C2orf76: variants seen among roughly 807,000 people sequenced by gnomAD.
C2orf76 encodes chromosome 2 open reading frame 76, also known as UPF0538 protein C2orf76.
A neutral mutation model predicts 16.9 loss-of-function variants in C2orf76; 23 were observed. That is an observed-to-expected ratio of 1.36 (90% CI 0.98 to 1.93). C2orf76 has a LOEUF of 1.93. Among genes scored for constraint, C2orf76 ranks in the 30% most tolerant of loss-of-function variants. The pLI is 0.00. For synonymous variants in C2orf76, 48 were observed against 52.3 expected, an observed-to-expected ratio of 0.92 and a Z score of 0.35; for missense variants, 152 against 152.6, an observed-to-expected ratio of 1.00 and a Z score of 0.02.
intron 2 of C2orf76, among the ~76,000 whole-genome samples, chr2:119,330,045 T>A (rs1679623011): frequency 6.6e-6 from 1 of 152,086 alleles, no homozygotes; most frequent in Non-Finnish European, 1.5e-5. Flanking sequence ...TCTGAAAACA[T>A]CTTCATGTTG....
upstream of C2orf76, chr2:119,366,856 G>T: frequency 1.4e-6 from 1 of 704,482 alleles, no homozygotes; most frequent in Non-Finnish European, 2.3e-6. Flanking sequence ...GGCTCGGGCG[G>T]GGCTAGCGCC....
chr2:119,338,003 T>C (rs753734352), intron 2 of C2orf76, among the ~76,000 whole-genome samples: 9 of 152,332 alleles, frequency 5.9e-5, no homozygotes, highest in South Asian at 2.1e-4. Flanking sequence ...GTGTCAACAT[T>C]AAGAAACACT....
At chr2:119,363,478 C>T (rs1215346322) in intron 1 of C2orf76, among the ~76,000 whole-genome samples, 1 of 151,940 alleles carries the variant, frequency 6.6e-6, no homozygotes, top group Non-Finnish European at 1.5e-5. Context: ...TGCTGAAGCC[C>T]TGCCACAGGA....
At chr2:119,323,726 G>A (rs1300503780) in intron 2 of C2orf76, among the ~76,000 whole-genome samples, 1 of 152,190 alleles carries the variant, frequency 6.6e-6, no homozygotes, top group Non-Finnish European at 1.5e-5. Context: ...AGTGAAGCAG[G>A]TCAAACAAGG....
intron 1 of C2orf76, among the ~76,000 whole-genome samples, chr2:119,361,691 A>C (rs965189317): frequency 1.3e-5 from 2 of 152,262 alleles, no homozygotes; most frequent in East Asian, 1.9e-4. Context: ...CCAATCCCCC[A>C]CAGATATTGA....
At chr2:119,297,026 C>T in the C2orf76 span, among the ~76,000 whole-genome samples, 1 of 152,182 alleles carries the variant, frequency 6.6e-6, no homozygotes, top group South Asian at 2.1e-4. Flanking sequence ...GGTGAGGGTT[C>T]CTTGCTCCAA....
At chr2:119,288,117 T>C in the C2orf76 span, among the ~76,000 whole-genome samples, 5 of 150,374 alleles carry the variant, frequency 3.3e-5, no homozygotes, top group Non-Finnish European at 7.4e-5. Context: ...GAACTGCATA[T>C]CTAAGATCTT....
intron 2 of C2orf76, among the ~76,000 whole-genome samples, chr2:119,322,804 G>T (rs1319223261): frequency 2.0e-5 from 3 of 151,740 alleles, no homozygotes; most frequent in Non-Finnish European, 4.4e-5. Context: ...GAGTAAAAAG[G>T]GGGTAAAATG....
the C2orf76 span, among the ~76,000 whole-genome samples, chr2:119,290,104 A>T: frequency 2.0e-4 from 30 of 151,954 alleles, 1 homozygote; most frequent in Middle Eastern, 3.4e-3. Context: ...CTGCCCCTGC[A>T]TGGGAGTCAC....
At chr2:119,357,139 G>A (rs1021755730) in intron 1 of C2orf76, among the ~76,000 whole-genome samples, 1 of 152,020 alleles carries the variant, frequency 6.6e-6, no homozygotes, top group African/African-American at 2.4e-5. Flanking sequence ...AACATTTAAA[G>A]AAGAATTAAC....
At chr2:119,287,476 A>G in the C2orf76 span, among the ~76,000 whole-genome samples, 6 of 151,974 alleles carry the variant, frequency 3.9e-5, no homozygotes, top group Non-Finnish European at 5.9e-5. Flanking sequence ...GCCCTCAAGT[A>G]TACAACTTTA....
At chr2:119,332,629 C>A (rs549958657) in intron 2 of C2orf76, among the ~76,000 whole-genome samples, 1 of 152,300 alleles carries the variant, frequency 6.6e-6, no homozygotes, top group East Asian at 1.9e-4. Flanking sequence ...CCCACTGTTA[C>A]TCCCTTCCTA....
downstream of C2orf76, among the ~76,000 whole-genome samples, chr2:119,297,588 C>T (rs1314183051): frequency 6.6e-6 from 1 of 152,120 alleles, no homozygotes; most frequent in Non-Finnish European, 1.5e-5. Flanking sequence ...CTCACTGTAA[C>T]CTCTGCCTCC....
chr2:119,364,929 A>T (rs1162512348), intron 1 of C2orf76, among the ~76,000 whole-genome samples: 1 of 151,930 alleles, frequency 6.6e-6, no homozygotes, highest in Admixed American at 6.6e-5. Flanking sequence ...AAATAAAAAT[A>T]AAAAAATTAG....
intron 1 of C2orf76, among the ~76,000 whole-genome samples, chr2:119,345,556 T>C (rs1323551127): frequency 6.6e-6 from 1 of 152,188 alleles, no homozygotes; most frequent in Non-Finnish European, 1.5e-5. Flanking sequence ...GGGTTCATAA[T>C]GACACTTTTT....
chr2:119,356,547 T>A (rs1331037783), intron 1 of C2orf76, among the ~76,000 whole-genome samples: 1 of 151,454 alleles, frequency 6.6e-6, no homozygotes, highest in Non-Finnish European at 1.5e-5. Flanking sequence ...ATAAATTAAA[T>A]GAGAAAAAGT....
the C2orf76 span, among the ~76,000 whole-genome samples, chr2:119,292,437 C>A: frequency 6.6e-6 from 1 of 152,134 alleles, no homozygotes; most frequent in Admixed American, 6.5e-5. Context: ...AGAGCCCTAG[C>A]GGCAGAAAAG....
Position 119,330,241 on chromosome 2 carries a change from G to A in C2orf76, c.134-9037C>T, listed in dbSNP as rs1213253765. Reference sequence around the variant, plus strand: ...ATACGAAAAAAATTAGCTGGGCGTGGTGGCACATGCCTGTAGTCCCAGCTA... The same window carrying A: ...ATACGAAAAAAATTAGCTGGGCGTGATGGCACATGCCTGTAGTCCCAGCTA... On this transcript the variant is annotated intron_variant, in intron 2 of 5. Coordinates refer to ENST00000334816, the MANE Select transcript of C2orf76 (RefSeq NM_001322331.2). Among the ~76,000 whole-genome samples, 55 of 151,940 alleles carry A rather than the reference G, an allele frequency of 3.6e-4. 1 individual carries two copies. The highest frequency in any genetic ancestry group is 3.5e-3 in the Admixed American group (54 of 15,244).
intron 5 of C2orf76, among the ~76,000 whole-genome samples, chr2:119,302,873 G>T (rs1397740985): frequency 6.6e-6 from 1 of 152,128 alleles, no homozygotes; most frequent in Non-Finnish European, 1.5e-5. Flanking sequence ...CTTTTTTACA[G>T]TGCTAGGAAA....
Sources: gnomAD v4.1 joint callset for allele counts (sites outside exome capture counted in the v4.1 genomes callset) on GRCh38, gnomAD v4.1.1 for gene constraint, MANE v1.5 for transcripts, NCBI Gene and HGNC (gene_info 2026-07-23, HGNC 2026-07-21) for gene names.